Variants in BTBD2 observed in about 807,000 individuals in gnomAD.
BTBD2 encodes BTB domain containing 2.
Under a neutral mutation model 44.0 loss-of-function variants are expected in BTBD2, and 15 were observed. The observed-to-expected ratio is 0.34, with a 90% CI of 0.23 to 0.53. The LOEUF (loss-of-function observed/expected upper bound fraction) is 0.53. BTBD2 is among the 20% of genes least tolerant of loss of function. The pLI, the probability that BTBD2 is intolerant of heterozygous loss-of-function variation, is 0.95. For synonymous variants in BTBD2, 443 were observed against 335.9 expected (o/e 1.32, Z -3.49); for missense variants, 657 against 746.4 (o/e 0.88, Z 1.39).
At chr19:2,012,354 G>A (rs991498592) in intron 1 of BTBD2, among the ~76,000 whole-genome samples, 1 of 150,752 alleles carries the variant, frequency 6.6e-6, no homozygotes, top group African/African-American at 2.5e-5. Context: ...GTTTCACCGT[G>A]TTGACCAGGC....
At chr19:1,997,317 C>G (rs1176426624) in intron 2 of BTBD2, 27 bp downstream of exon 2, 1 of 1,613,812 alleles carries the variant, frequency 6.2e-7, no homozygotes, top group Admixed American at 1.7e-5. Flanking sequence ...GCCCAGCTCC[C>G]CAGCAGGAAG....
rs572989041 is a variant in BTBD2, at chr19:1,991,001, T to A, written c.685-179A>T. 1,071 of 582,488 alleles carry A rather than the reference T, an allele frequency of 1.8e-3. 3 individuals carry two copies. The highest frequency in any genetic ancestry group is 4.4e-3 in the Admixed American group (149 of 33,620). 36.1% of individuals were successfully genotyped at this position (582,488 alleles called of 1,614,324 possible). On this transcript the variant is annotated intron_variant, in intron 3 of 8. Coordinates refer to ENST00000255608, the MANE Select transcript of BTBD2 (RefSeq NM_017797.4). ...CCTGTTGTGGGCCCAGAGACTCCCC[T>A]GTGACCGCTGACTGGGGCGGGAGAG...
chr19:2,005,103 A>T (rs1031935067), intron 1 of BTBD2, among the ~76,000 whole-genome samples: 1 of 151,186 alleles, frequency 6.6e-6, no homozygotes, highest in Non-Finnish European at 1.5e-5. Context: ...TACAGGCGTG[A>T]GCCACTGCGC....
Position 1,997,468 on chromosome 19 carries a change from T to C in BTBD2, c.408-5A>G, listed in dbSNP as rs1401541129. 1 of 1,613,940 alleles carries C rather than the reference T, an allele frequency of 6.2e-7. No homozygotes were observed. Among genetic ancestry groups the C allele is most frequent in the South Asian group, 1.1e-5 (1 of 91,086 alleles). ...CTGCCCACGGCCAGCACGAACCTGG[T>C]ACGGGAGAGAGAAGGCCCTGGTTAA... On this transcript the variant is annotated splice_polypyrimidine_tract_variant and splice_region_variant and intron_variant, in intron 1 of 8. Transcript: ENST00000255608.
intron 3 of BTBD2, 22 bp downstream of exon 3, chr19:1,992,998 G>A (rs748730413): frequency 3.9e-5 from 13 of 329,160 alleles, no homozygotes; most frequent in Non-Finnish European, 5.1e-5. Flanking sequence ...CCCCGCCCCC[G>A]CCTCGTACCG....
intron 1 of BTBD2, among the ~76,000 whole-genome samples, chr19:1,998,247 G>C (rs2016277890): frequency 6.6e-6 from 1 of 152,224 alleles, no homozygotes; most frequent in South Asian, 2.1e-4. Context: ...TACAGGCACA[G>C]GGCCTGGCCT....
intron 3 of BTBD2, chr19:1,991,272 C>T (rs2016174041): frequency 6.0e-6 from 1 of 165,370 alleles, no homozygotes; most frequent in African/African-American, 2.4e-5. Flanking sequence ...GCAGCTCCAT[C>T]CCAAGACAAA....
intron 5 of BTBD2, 39 bp from the exon 6 acceptor site, chr19:1,987,731 AC>A: frequency 6.5e-7 from 1 of 1,534,962 alleles, no homozygotes; most frequent in Non-Finnish European, 8.8e-7. Context: ...GCCGGGCTGC[AC>A]CCCAGGATCC....
In BTBD2 at chr19:2,015,605, G is replaced by A; in HGVS notation, c.99C>T (p.Ala33=). The change falls in exon 1 of 9, where the codon GCC becomes GCT. Residue 33 remains alanine (A), a synonymous_variant. Transcript: ENST00000255608. ...GGSPGPSANA[A]ATPAPGNAAA... is the part of the protein sequence containing the mutation. ...CCGCGTTGCCGGGGGCCGGGGTGGC[G>A]GCGGCGTTGGCGCTGGGCCCGGGAC... 4 of 972,848 alleles carry A rather than the reference G, an allele frequency of 4.1e-6. No individual in the cohort carries two copies. The highest frequency in any genetic ancestry group is 4.9e-6 in the Non-Finnish European group (4 of 824,718). 60.3% of individuals were successfully genotyped at this position (972,848 alleles called of 1,614,324 possible).
In BTBD2 at chr19:2,011,256, G is replaced by A. The variant is rs527501176; in HGVS notation, c.407+4041C>T. The stretch of plus-strand genomic sequence containing the variant: ...CCTCCTCTCCTGGCCACAGGAACTC[G>A]CTTCCTCCAAAGAGGACCTGCATCC... On this transcript the variant is annotated intron_variant, in intron 1 of 8. Transcript: ENST00000255608. Among the ~76,000 whole-genome samples, 7 of 152,012 alleles carry A rather than the reference G, an allele frequency of 4.6e-5. No individual in the cohort carries two copies. The South Asian group carries it at 8.3e-4, about 18-fold the overall frequency.
At position 2,015,482 on chromosome 19, in the gene BTBD2, C is replaced by T; in HGVS notation, c.222G>A (p.Ala74=). 8.2e-7 allele frequency: 1 copy of T among 1,223,830 alleles called. No homozygotes were observed. The highest frequency in any genetic ancestry group is 2.9e-5 in the South Asian group (1 of 34,608). The allele number at this position is 1,223,830 out of a possible 1,614,324, so 75.8% of individuals were successfully genotyped here. ...GPGTDAQAAG[A]ERAEEAAGPG... is the part of the protein sequence containing the mutation. ...GGCCCGCCGCCTCCTCCGCCCGCTC[C>T]GCGCCCGCGGCCTGCGCGTCTGTCC... is the stretch of plus-strand genomic sequence containing the variant. Residue 74 remains alanine (A), a synonymous_variant, in exon 1 of 9, where the codon GCG becomes GCA. Transcript: ENST00000255608.
intron 7 of BTBD2, 24 bp downstream of exon 7, chr19:1,987,142 G>A: frequency 6.2e-7 from 1 of 1,610,958 alleles, no homozygotes; most frequent in Non-Finnish European, 8.5e-7. Context: ...AGTGGGGCCT[G>A]GGGATGAGGC....
At chr19:2,011,369 G>C (rs960651255) in intron 1 of BTBD2, among the ~76,000 whole-genome samples, 48 of 151,934 alleles carry the variant, frequency 3.2e-4, no homozygotes, top group African/African-American at 1.1e-3. Context: ...CTCGCTCCTG[G>C]GCCCATCCAC....
chr19:1,987,331 G>A (rs1256297964), intron 6 of BTBD2, 78 bp from the exon 7 acceptor site: 6 of 1,523,916 alleles, frequency 3.9e-6, no homozygotes, highest in Non-Finnish European at 5.4e-6. Context: ...CCACCCCCAT[G>A]CCCGGTCCCC....
chr19:1,995,640 A>AT (rs201871379), intron 2 of BTBD2, among the ~76,000 whole-genome samples: 3,574 of 126,262 alleles, frequency 0.028, 62 homozygotes, highest in South Asian at 0.055. Context: ...ACTTTGATCT[A>AT]TTTTTTTTTT....
At chr19:2,010,640 C>A (rs943540129) in intron 1 of BTBD2, among the ~76,000 whole-genome samples, 1 of 150,982 alleles carries the variant, frequency 6.6e-6, no homozygotes, top group Non-Finnish European at 1.5e-5. Context: ...GACATCCCCC[C>A]ACCTTTTTTT....
chr19:1,997,703 G>A (rs1313783224), intron 1 of BTBD2, among the ~76,000 whole-genome samples: 1 of 152,210 alleles, frequency 6.6e-6, no homozygotes, highest in Non-Finnish European at 1.5e-5. Context: ...GCCACACAGG[G>A]CCTCACGCTC....
intron 1 of BTBD2, among the ~76,000 whole-genome samples, chr19:2,011,228 C>G (rs887885153): frequency 2.0e-5 from 3 of 152,092 alleles, no homozygotes; most frequent in Non-Finnish European, 4.4e-5. Context: ...ACCTGCCAAG[C>G]TGCCTCCTCT....
chr19:2,011,848 TTTTA>T (rs1159635585), intron 1 of BTBD2, among the ~76,000 whole-genome samples: 1 of 151,704 alleles, frequency 6.6e-6, no homozygotes, highest in Non-Finnish European at 1.5e-5. Context: ...GGATTTCTCC[TTTTA>T]TTTTTTTTCC....
Sources: allele counts gnomAD v4.1 joint callset (sites outside exome capture counted in the v4.1 genomes callset), GRCh38; gene constraint gnomAD v4.1.1; transcripts MANE v1.5; gene names NCBI Gene and HGNC (gene_info 2026-07-23, HGNC 2026-07-21).